The following SH3PXD2A variants were observed in gnomAD, a reference collection of about 807,000 sequenced individuals.
The protein encoded by SH3PXD2A is SH3 and PX domain-containing protein 2A.
Under a neutral mutation model 115.2 loss-of-function variants are expected in SH3PXD2A, and 32 were observed. That is an observed-to-expected ratio of 0.28 (90% CI 0.21 to 0.37). SH3PXD2A has a LOEUF of 0.37. SH3PXD2A is among the 10% of genes least tolerant of loss of function. The pLI, the probability that SH3PXD2A is intolerant of heterozygous loss-of-function variation, is 1.00. For synonymous variants in SH3PXD2A, 610 were observed against 629.1 expected, an observed-to-expected ratio of 0.97 and a Z score of 0.45; for missense variants, 1,328 against 1,498.7, an observed-to-expected ratio of 0.89 and a Z score of 1.88.
intron 7 of SH3PXD2A, among the ~76,000 whole-genome samples, chr10:103,664,666 C>T (rs2037360139): frequency 1.7e-5 from 1 of 57,362 alleles, no homozygotes; most frequent in South Asian, 8.6e-4. Flanking sequence ...GTTTCTTTCT[C>T]TCTCTTTTTT....
rs2036140355 is a variant in SH3PXD2A at position 103,596,668 on chromosome 10, C to CTCTCTCTCTCTT, written c.*5147_*5148insAAGAGAGAGAGA. ...ACACACACACACACACACACACTCT[C>CTCTCTCTCTCTT]TCTCTCTCTCTCTCTCTCACAACAC... On this transcript the variant is annotated 3_prime_UTR_variant, in exon 15 of 15. Coordinates refer to ENST00000369774, the MANE Select transcript of SH3PXD2A (RefSeq NM_001394015.1). 1 of 127,764 alleles carries CTCTCTCTCTCTT rather than the reference C, an allele frequency of 7.8e-6. No individual in the cohort carries two copies. Among genetic ancestry groups the CTCTCTCTCTCTT allele is most frequent in the Non-Finnish European group, 1.8e-5 (1 of 55,164 alleles). The allele number at this position is 127,764 out of a possible 1,614,324, so 7.9% of individuals were successfully genotyped here. A position where few individuals can be genotyped will look rare whatever the true frequency, so the allele number is the denominator to read the frequency against.
chr10:103,635,067 C>T (rs1397764167), intron 8 of SH3PXD2A, among the ~76,000 whole-genome samples: 1 of 152,204 alleles, frequency 6.6e-6, no homozygotes, highest in African/African-American at 2.4e-5. Context: ...GAGGCACTCA[C>T]TCATCTGGGG....
intron 13 of SH3PXD2A, chr10:103,609,214 C>T (rs981083010): frequency 6.6e-5 from 10 of 151,482 alleles, no homozygotes; most frequent in African/African-American, 2.4e-4. Flanking sequence ...TAACAAAGCA[C>T]TTGCACACTG....
chr10:103,732,554 G>T (rs1485137238), intron 4 of SH3PXD2A, among the ~76,000 whole-genome samples: 2 of 152,198 alleles, frequency 1.3e-5, no homozygotes, highest in African/African-American at 4.8e-5. Context: ...GGTGGGACTG[G>T]CTGGCCAGCA....
intron 3 of SH3PXD2A, among the ~76,000 whole-genome samples, chr10:103,748,971 CT>C (rs1287320177): frequency 6.6e-6 from 1 of 151,264 alleles, no homozygotes; most frequent in African/African-American, 2.4e-5. Context: ...TTTCTTTCTT[CT>C]TTCTTTTTTT....
Position 103,598,913 on chromosome 10 carries a change from G to T in SH3PXD2A, c.*2903C>A, listed in dbSNP as rs2133899303. Reference sequence around the variant, plus strand: ...GAGTTAGGGGGTGAGGGGGCGAGGTGCGAAGACTGGGGCATGGCAATCCCT... The same window carrying T: ...GAGTTAGGGGGTGAGGGGGCGAGGTTCGAAGACTGGGGCATGGCAATCCCT... On this transcript the variant is annotated 3_prime_UTR_variant, in exon 15 of 15. Coordinates refer to ENST00000369774, the MANE Select transcript of SH3PXD2A (RefSeq NM_001394015.1). 6.6e-6 allele frequency: 1 copy of T among 152,612 alleles called. No homozygotes were observed. Among genetic ancestry groups the T allele is most frequent in the East Asian group, 1.9e-4 (1 of 5,174 alleles). 9.5% of individuals were successfully genotyped at this position (152,612 alleles called of 1,614,324 possible). A position where few individuals can be genotyped will look rare whatever the true frequency, so the allele number is the denominator to read the frequency against.
In SH3PXD2A at chr10:103,597,095, C is replaced by A. The variant is rs1390481404; in HGVS notation, c.*4721G>T. On this transcript the variant is annotated 3_prime_UTR_variant, in exon 15 of 15. Transcript: ENST00000369774. ...AGAAACTTGAATAGACCCCCCGACT[C>A]TTCCCGGAGCAGAATTTGTATGGAC... is the stretch of plus-strand genomic sequence containing the variant. The A allele has an allele frequency of 3.3e-5, 5 of 152,772 alleles. No homozygotes were observed. Among genetic ancestry groups the A allele is most frequent in the African/African-American group, 1.2e-4 (5 of 41,562 alleles). 9.5% of individuals were successfully genotyped at this position (152,772 alleles called of 1,614,324 possible). A position where few individuals can be genotyped will look rare whatever the true frequency, so the allele number is the denominator to read the frequency against.
intron 1 of SH3PXD2A, among the ~76,000 whole-genome samples, chr10:103,831,010 C>T (rs908467211): frequency 2.6e-5 from 4 of 152,240 alleles, no homozygotes; most frequent in Admixed American, 2.0e-4. Context: ...TAGGTGGGAA[C>T]AGTCATAATA....
At chr10:103,652,623 G>C (rs1019120676) in intron 8 of SH3PXD2A, among the ~76,000 whole-genome samples, 3 of 152,234 alleles carry the variant, frequency 2.0e-5, no homozygotes, top group Non-Finnish European at 2.9e-5. Context: ...ATACTCCCCA[G>C]AAAGTGTTTG....
At position 103,677,297 on chromosome 10, in the gene SH3PXD2A, C is replaced by G. The variant is rs1182153931; in HGVS notation, c.428-8645G>C. Among the ~76,000 whole-genome samples the G allele has an allele frequency of 2.6e-5, 4 of 152,238 alleles. No individual in the cohort carries two copies. The East Asian group carries it at 7.7e-4, about 29-fold the overall frequency. On this transcript the variant is annotated intron_variant, in intron 6 of 14. Coordinates refer to ENST00000369774, the MANE Select transcript of SH3PXD2A (RefSeq NM_001394015.1). The stretch of plus-strand genomic sequence containing the variant: ...AAAGCATCAGACACACAACCACAGA[C>G]ACCGTCCCCAGCATTCCTGTCTGCT...
At chr10:103,826,941 G>C (rs538836748) in intron 1 of SH3PXD2A, among the ~76,000 whole-genome samples, 1 of 152,172 alleles carries the variant, frequency 6.6e-6, no homozygotes, top group Non-Finnish European at 1.5e-5. Context: ...GCTTCGGCCC[G>C]GCTAATGGAG....
chr10:103,725,983 T>C (rs1589430928), intron 4 of SH3PXD2A, among the ~76,000 whole-genome samples: 2 of 151,840 alleles, frequency 1.3e-5, no homozygotes, highest in Non-Finnish European at 2.9e-5. Context: ...GGGTGTAGGG[T>C]GAGGCCGGGT....
chr10:103,617,729 G>A (rs1333914724), intron 10 of SH3PXD2A, among the ~76,000 whole-genome samples: 1 of 152,182 alleles, frequency 6.6e-6, no homozygotes, highest in South Asian at 2.1e-4. Context: ...ACGGCATACC[G>A]CTTTTCCTCG....
chr10:103,601,767 G>T lies in SH3PXD2A; in HGVS notation c.*49C>A, dbSNP rs775296319. The T allele has an allele frequency of 2.5e-6, 3 of 1,184,178 alleles. No individual in the cohort carries two copies. Among genetic ancestry groups the T allele is most frequent in the Admixed American group, 2.9e-5 (1 of 34,218 alleles). The allele number at this position is 1,184,178 out of a possible 1,614,324, so 73.4% of individuals were successfully genotyped here. On this transcript the variant is annotated 3_prime_UTR_variant, in exon 15 of 15. Transcript: ENST00000369774. Reference sequence around the variant, plus strand: ...TTTTGTTCGTCTCACCGCTCATCCAGTGGGCGGCCAGAGAGGCACACTGAG... The same window carrying T: ...TTTTGTTCGTCTCACCGCTCATCCATTGGGCGGCCAGAGAGGCACACTGAG...
At chr10:103,802,898 CTCTA>C (rs2039161145) in intron 1 of SH3PXD2A, among the ~76,000 whole-genome samples, 2 of 152,106 alleles carry the variant, frequency 1.3e-5, no homozygotes, top group Non-Finnish European at 2.9e-5. Flanking sequence ...GCTGGGGGGA[CTCTA>C]CCCTAAGAAT....
Position 103,764,454 on chromosome 10 carries a change from C to T in SH3PXD2A, c.229+2640G>A, listed in dbSNP as rs886566445. Among the ~76,000 whole-genome samples the T allele has an allele frequency of 3.3e-5, 5 of 152,238 alleles. No homozygotes were observed. The South Asian group carries it at 8.3e-4, about 25-fold the overall frequency. On this transcript the variant is annotated intron_variant, in intron 3 of 14. Coordinates refer to ENST00000369774, the MANE Select transcript of SH3PXD2A (RefSeq NM_001394015.1). Reference sequence around the variant, plus strand: ...GAAGCCAAACCAGGAAAAAGAAGGGCACAGGGTGGGGGCGAGTCAACCTCA... The same window carrying T: ...GAAGCCAAACCAGGAAAAAGAAGGGTACAGGGTGGGGGCGAGTCAACCTCA...
At chr10:103,662,816 T>C (rs982647508) in intron 7 of SH3PXD2A, among the ~76,000 whole-genome samples, 2 of 152,180 alleles carry the variant, frequency 1.3e-5, no homozygotes, top group African/African-American at 4.8e-5. Flanking sequence ...TAGTATACTT[T>C]TGTTTTTTTT....
intron 5 of SH3PXD2A, among the ~76,000 whole-genome samples, chr10:103,721,880 C>T (rs1458890723): frequency 6.6e-6 from 1 of 151,998 alleles, no homozygotes. Context: ...ACCACAGTCC[C>T]CAAACCAGTG....
chr10:103,678,464 C>A (rs1210384752), intron 6 of SH3PXD2A, among the ~76,000 whole-genome samples: 1 of 152,238 alleles, frequency 6.6e-6, no homozygotes, highest in Non-Finnish European at 1.5e-5. Flanking sequence ...AACCCTTCAG[C>A]ACCACAGCTC....
Sources: gnomAD v4.1 joint callset for allele counts (sites outside exome capture counted in the v4.1 genomes callset) on GRCh38, gnomAD v4.1.1 for gene constraint, MANE v1.5 for transcripts, NCBI Gene and HGNC (gene_info 2026-07-23, HGNC 2026-07-21) for gene names.